Variants in SOS1 observed in about 807,000 individuals in gnomAD.
The protein encoded by SOS1 is SOS Ras/Rac guanine nucleotide exchange factor 1, also known as son of sevenless homolog 1.
Under a neutral mutation model 157.6 loss-of-function variants are expected in SOS1, and 25 were observed. The ratio of observed to expected loss-of-function variants is 0.16; its 90% CI spans 0.12 to 0.22. SOS1 has a LOEUF of 0.22. Among genes scored for constraint, SOS1 ranks in the 10% least tolerant of loss-of-function variants. The probability of loss-of-function intolerance (pLI) is 1.00; values close to 1 mark genes in which losing one functional copy is unlikely to be tolerated. For missense variants in SOS1, 1,237 were observed against 1,599.1 expected, an observed-to-expected ratio of 0.77 and a Z score of 3.86; for synonymous variants, 528 against 534.0, an observed-to-expected ratio of 0.99 and a Z score of 0.16.
chr2:39,020,837 A>T lies in SOS1; in HGVS notation c.1858+1733T>A, dbSNP rs567044447. Among the ~76,000 whole-genome samples, 10 of 151,870 alleles carry T rather than the reference A, an allele frequency of 6.6e-5. No homozygotes were observed. In the East Asian group the frequency reaches 1.9e-3, roughly 29 times the overall value. ...GCTTGTAGACTCCAGTTTCACCAGT[A>T]ATATATTTATGACATAAATTAAAAT... is the stretch of plus-strand genomic sequence containing the variant. On this transcript the variant is annotated intron_variant, in intron 10 of 22. Transcript: ENST00000402219.
chr2:39,106,000 T>A (rs1275854120), intron 1 of SOS1, among the ~76,000 whole-genome samples: 4 of 151,790 alleles, frequency 2.6e-5, no homozygotes, highest in East Asian at 1.9e-4. Flanking sequence ...GTGAATCTCC[T>A]GAGCTCAAGA....
chr2:39,042,563 C>G (rs980465280), intron 6 of SOS1, among the ~76,000 whole-genome samples: 2 of 151,936 alleles, frequency 1.3e-5, no homozygotes, highest in African/African-American at 4.8e-5. Flanking sequence ...GCCACTACGC[C>G]CAGCTAATTT....
intron 10 of SOS1, 58 bp from the exon 11 acceptor site, chr2:39,014,904 T>C (rs926527358): frequency 1.1e-5 from 10 of 943,826 alleles, no homozygotes; most frequent in Non-Finnish European, 1.7e-5. Context: ...TGATTAAAAC[T>C]GTTATGTACA....
intron 1 of SOS1, among the ~76,000 whole-genome samples, chr2:39,119,953 T>G (rs1024852604): frequency 6.6e-6 from 1 of 152,132 alleles, no homozygotes; most frequent in Non-Finnish European, 1.5e-5. Context: ...ACCAGCGTAC[T>G]GGACACCTAA....
chr2:38,990,532 AAAG>A (rs1668700546), intron 20 of SOS1, among the ~76,000 whole-genome samples: 1 of 152,170 alleles, frequency 6.6e-6, no homozygotes. Context: ...AATAGAGATT[AAAG>A]GAGTATCTAG....
At chr2:39,076,496 G>C (rs1382605337) in intron 1 of SOS1, among the ~76,000 whole-genome samples, 1 of 152,056 alleles carries the variant, frequency 6.6e-6, no homozygotes, top group Non-Finnish European at 1.5e-5. Flanking sequence ...ACTAAGACTG[G>C]TTCAACAAAA....
intron 11 of SOS1, among the ~76,000 whole-genome samples, chr2:39,014,241 T>C (rs1354213582): frequency 1.3e-5 from 2 of 152,078 alleles, no homozygotes; most frequent in Non-Finnish European, 2.9e-5. Flanking sequence ...AAAGAATACA[T>C]GCAAATTCTA....
intron 1 of SOS1, among the ~76,000 whole-genome samples, chr2:39,104,215 G>C (rs1373536668): frequency 6.6e-6 from 1 of 152,186 alleles, no homozygotes; most frequent in African/African-American, 2.4e-5. Context: ...CCAGGAGGCA[G>C]AGGTTGCAGT....
intron 1 of SOS1, among the ~76,000 whole-genome samples, chr2:39,107,161 G>A (rs774120527): frequency 2.4e-4 from 36 of 151,702 alleles, no homozygotes; most frequent in Non-Finnish European, 4.6e-4. Flanking sequence ...ACTTTATCCC[G>A]AATTAGGCAA....
intron 1 of SOS1, among the ~76,000 whole-genome samples, chr2:39,092,806 CA>C (rs1417456520): frequency 6.6e-6 from 1 of 152,176 alleles, no homozygotes; most frequent in Non-Finnish European, 1.5e-5. Flanking sequence ...CAAAGCAAGA[CA>C]AATTTAAATC....
rs975759956 is a variant in SOS1, at chr2:38,988,091, G to C, written c.3392-500C>G. 2.6e-5 allele frequency among the ~76,000 whole-genome samples: 4 copies of C among 152,126 alleles called. No homozygotes were observed. The South Asian group carries it at 8.3e-4, about 32-fold the overall frequency. Reference sequence around the variant, plus strand: ...CTAGCATTTCTCTCAAAGGATGCAAGGGAAAGAATCATAGTGTCTAGGTGA... The same window carrying C: ...CTAGCATTTCTCTCAAAGGATGCAACGGAAAGAATCATAGTGTCTAGGTGA... On this transcript the variant is annotated intron_variant, in intron 21 of 22. Coordinates refer to ENST00000402219, the MANE Select transcript of SOS1 (RefSeq NM_005633.4).
In SOS1 at chr2:38,985,721, T is replaced by G; in HGVS notation, c.*103A>C. On this transcript the variant is annotated 3_prime_UTR_variant, in exon 23 of 23. Coordinates refer to ENST00000402219, the MANE Select transcript of SOS1 (RefSeq NM_005633.4). ...GCATCTTGAAGAAGAGTCGTTAGTG[T>G]TTGGAGTTCTCATTTTAACTCCTCA... The G allele has an allele frequency of 2.1e-5, 26 of 1,227,520 alleles. No individual in the cohort carries two copies. Among genetic ancestry groups the G allele is most frequent in the East Asian group, 5.0e-5 (2 of 40,398 alleles). 76.0% of individuals were successfully genotyped at this position (1,227,520 alleles called of 1,614,324 possible). A position where few individuals can be genotyped will look rare whatever the true frequency, so the allele number is the denominator to read the frequency against.
At chr2:38,993,333 TA>T (rs1297678606) in intron 20 of SOS1, 1 of 152,108 alleles carries the variant, frequency 6.6e-6, no homozygotes, top group Non-Finnish European at 1.5e-5. Flanking sequence ...CTAATTTTTT[TA>T]TTTTTTAGGA....
At position 39,054,052 on chromosome 2, in the gene SOS1, C is replaced by T. The variant is rs1489192673; in HGVS notation, c.720+562G>A. 5.9e-5 allele frequency among the ~76,000 whole-genome samples: 9 copies of T among 152,122 alleles called. No individual in the cohort carries two copies. In the East Asian group the frequency reaches 1.7e-3, roughly 30 times the overall value. On this transcript the variant is annotated intron_variant, in intron 5 of 22. Coordinates refer to ENST00000402219, the MANE Select transcript of SOS1 (RefSeq NM_005633.4). ...ACGCCATTCTCCTGCCTCAGCCTCCCGAGTAGCTGGGATTACAGACGCTCG... is the reference window on the plus strand; with the variant it reads ...ACGCCATTCTCCTGCCTCAGCCTCCTGAGTAGCTGGGATTACAGACGCTCG...
chr2:39,068,599 T>C (rs936702350), intron 1 of SOS1, among the ~76,000 whole-genome samples: 2 of 152,212 alleles, frequency 1.3e-5, no homozygotes, highest in Admixed American at 1.3e-4. Context: ...AAAGTCACCC[T>C]GTATCAAAGG....
At chr2:38,987,675 C>G in intron 21 of SOS1, 84 bp from the exon 22 acceptor site, 2 of 754,484 alleles carry the variant, frequency 2.7e-6, no homozygotes, top group South Asian at 2.9e-5. Flanking sequence ...CTGGAAATTG[C>G]TTATAATTAA....
intron 1 of SOS1, among the ~76,000 whole-genome samples, chr2:39,076,638 T>C (rs535487318): frequency 3.2e-4 from 48 of 152,228 alleles, no homozygotes; most frequent in Admixed American, 2.8e-3. Flanking sequence ...GAAGAACATT[T>C]CCTAAACTTG....
At chr2:39,085,284 G>A (rs1221306259) in intron 1 of SOS1, among the ~76,000 whole-genome samples, 2 of 152,186 alleles carry the variant, frequency 1.3e-5, no homozygotes, top group African/African-American at 4.8e-5. Flanking sequence ...CTGGGCTCAA[G>A]CGATCCTCCT....
At chr2:39,030,485 G>A (rs535090679) in intron 8 of SOS1, among the ~76,000 whole-genome samples, 1 of 151,654 alleles carries the variant, frequency 6.6e-6, no homozygotes, top group East Asian at 2.0e-4. Context: ...TGAGAAGATT[G>A]TTTGAGCCCA....
Sources: allele counts gnomAD v4.1 joint callset (sites outside exome capture counted in the v4.1 genomes callset), GRCh38; gene constraint gnomAD v4.1.1; transcripts MANE v1.5; gene names NCBI Gene and HGNC (gene_info 2026-07-23, HGNC 2026-07-21).